Variants in HSPA12A observed in about 807,000 individuals in gnomAD.
HSPA12A encodes heat shock 70 kDa protein 12A.
Under a neutral mutation model 69.2 loss-of-function variants are expected in HSPA12A, and 28 were observed. That is an observed-to-expected ratio of 0.40 (90% CI 0.30 to 0.55). The LOEUF (loss-of-function observed/expected upper bound fraction) is 0.55. Ranked by LOEUF, HSPA12A falls within the 20% of genes least tolerant of loss-of-function variation. The probability of loss-of-function intolerance (pLI) is 0.38; values close to 1 mark genes in which losing one functional copy is unlikely to be tolerated. For synonymous variants in HSPA12A, 345 were observed against 370.5 expected (o/e 0.93, Z 0.79); for missense variants, 686 against 900.7 (o/e 0.76, Z 3.05).
At chr10:116,748,957 G>GTCTCC (rs1207537134) in intron 2 of HSPA12A, among the ~76,000 whole-genome samples, 29 of 152,206 alleles carry the variant, frequency 1.9e-4, no homozygotes, top group African/African-American at 5.8e-4. Flanking sequence ...CTGGGCCTCA[G>GTCTCC]TCTCCTCATC....
At chr10:116,847,458 T>C (rs965946204) in intron 1 of HSPA12A, among the ~76,000 whole-genome samples, 44 of 152,182 alleles carry the variant, frequency 2.9e-4, no homozygotes, top group African/African-American at 1.0e-3. Context: ...TATTCAGAAA[T>C]TTGTGGTTGC....
At chr10:116,825,539 T>A (rs1006589292) in intron 2 of HSPA12A, among the ~76,000 whole-genome samples, 5 of 152,026 alleles carry the variant, frequency 3.3e-5, no homozygotes, top group Non-Finnish European at 7.4e-5. Flanking sequence ...AAAGTACTGA[T>A]ACATGCTACA....
chr10:116,696,194 T>G (rs1445205179), intron 5 of HSPA12A, among the ~76,000 whole-genome samples: 1 of 152,076 alleles, frequency 6.6e-6, no homozygotes, highest in Non-Finnish European at 1.5e-5. Context: ...AGAAATAAAT[T>G]TCTGTTTTTC....
At chr10:116,759,083 C>T (rs1169698382) in intron 2 of HSPA12A, among the ~76,000 whole-genome samples, 1 of 152,222 alleles carries the variant, frequency 6.6e-6, no homozygotes, top group Non-Finnish European at 1.5e-5. Context: ...GAGATGTCAG[C>T]CAGCTCTTCC....
intron 1 of HSPA12A, among the ~76,000 whole-genome samples, chr10:116,731,825 G>A (rs1554885784): frequency 6.6e-6 from 1 of 152,164 alleles, no homozygotes; most frequent in Non-Finnish European, 1.5e-5. Context: ...TCTGGGTCAA[G>A]TCCTGATCAT....
intron 2 of HSPA12A, among the ~76,000 whole-genome samples, chr10:116,809,913 C>T (rs1845141983): frequency 6.6e-6 from 1 of 152,216 alleles, no homozygotes; most frequent in Non-Finnish European, 1.5e-5. Flanking sequence ...TAAAACCTGT[C>T]ATGGCTGGTT....
intron 1 of HSPA12A, among the ~76,000 whole-genome samples, chr10:116,836,601 C>T (rs759892009): frequency 7.2e-5 from 11 of 152,154 alleles, no homozygotes; most frequent in African/African-American, 1.2e-4. Context: ...CTCTTAGCCC[C>T]GTTCAAGAAT....
At chr10:116,732,689 G>A (rs1340464692) in intron 1 of HSPA12A, among the ~76,000 whole-genome samples, 1 of 152,198 alleles carries the variant, frequency 6.6e-6, no homozygotes, top group Non-Finnish European at 1.5e-5. Flanking sequence ...TCATTCCTTT[G>A]AGTTAAGCAT....
intron 2 of HSPA12A, among the ~76,000 whole-genome samples, chr10:116,833,853 C>G (rs1004772269): frequency 6.6e-6 from 1 of 152,108 alleles, no homozygotes; most frequent in South Asian, 2.1e-4. Context: ...TGTTGTTTTT[C>G]ACCTAAAGCA....
intron 1 of HSPA12A, among the ~76,000 whole-genome samples, chr10:116,835,910 C>A (rs548252168): frequency 6.6e-6 from 1 of 151,716 alleles, no homozygotes; most frequent in African/African-American, 2.4e-5. Context: ...GAGAGAGGAG[C>A]GAAAGAAAAC....
At chr10:116,767,154 T>C (rs1554889862) in intron 2 of HSPA12A, among the ~76,000 whole-genome samples, 3 of 152,046 alleles carry the variant, frequency 2.0e-5, no homozygotes, top group Admixed American at 2.0e-4. Context: ...TCACAGTGTC[T>C]CCTCTCCTCA....
chr10:116,830,404 T>C (rs1845592392), intron 2 of HSPA12A: 1 of 152,224 alleles, frequency 6.6e-6, no homozygotes, highest in Non-Finnish European at 1.5e-5. Flanking sequence ...TGTGAATTTA[T>C]GCACATATAT....
intron 1 of HSPA12A, among the ~76,000 whole-genome samples, chr10:116,740,961 T>C (rs1411960855): frequency 1.2e-5 from 1 of 84,708 alleles, no homozygotes; most frequent in African/African-American, 4.7e-5. Flanking sequence ...AGGAAAAAAG[T>C]AAAAAAAAAA....
intron 1 of HSPA12A, among the ~76,000 whole-genome samples, chr10:116,837,515 G>A (rs910128344): frequency 6.6e-6 from 1 of 152,094 alleles, no homozygotes; most frequent in Admixed American, 6.6e-5. Flanking sequence ...AGAGAACTGA[G>A]CTATAAAAAA....
At chr10:116,805,740 T>C (rs1681742) in intron 2 of HSPA12A, among the ~76,000 whole-genome samples, 44,029 of 152,132 alleles carry the variant, frequency 0.29, 7,890 homozygotes, top group Non-Finnish European at 0.4. Flanking sequence ...CAGCGAAACA[T>C]TGCAATCTTT....
intron 6 of HSPA12A, among the ~76,000 whole-genome samples, chr10:116,689,104 G>A (rs549974734): frequency 1.3e-5 from 2 of 152,124 alleles, no homozygotes; most frequent in South Asian, 2.1e-4. Flanking sequence ...CAGCCTTTAC[G>A]GGCAGTGAGC....
intron 1 of HSPA12A, among the ~76,000 whole-genome samples, chr10:116,735,311 G>T (rs1361361179): frequency 6.6e-6 from 1 of 152,186 alleles, no homozygotes; most frequent in African/African-American, 2.4e-5. Flanking sequence ...TTCTTTGCAG[G>T]TCCTCTCACT....
At chr10:116,795,640 C>G (rs1187351035) in intron 2 of HSPA12A, among the ~76,000 whole-genome samples, 3 of 141,128 alleles carry the variant, frequency 2.1e-5, no homozygotes, top group Non-Finnish European at 3.0e-5. Context: ...GAGCCGAGAT[C>G]GTGCCACTGC....
At chr10:116,690,657 A>G (rs1198175577) in intron 6 of HSPA12A, among the ~76,000 whole-genome samples, 1 of 152,068 alleles carries the variant, frequency 6.6e-6, no homozygotes, top group Non-Finnish European at 1.5e-5. Context: ...TGGGGTACCT[A>G]TTTGATTCCA....
Sources: allele counts gnomAD v4.1 joint callset (sites outside exome capture counted in the v4.1 genomes callset), GRCh38; gene constraint gnomAD v4.1.1; transcripts MANE v1.5; gene names NCBI Gene and HGNC (gene_info 2026-07-23, HGNC 2026-07-21).